The following LPP variants were observed in gnomAD, a reference collection of about 807,000 sequenced individuals.
The protein encoded by LPP is lipoma-preferred partner.
In LPP, 38 loss-of-function variants were observed where a neutral mutation model predicts 60.4. The ratio of observed to expected loss-of-function variants is 0.63; its 90% CI spans 0.49 to 0.83. The LOEUF (loss-of-function observed/expected upper bound fraction) is 0.83, where lower values mean the gene tolerates loss of function less well. LPP is among the 40% of genes least tolerant of loss of function. The pLI, the probability that LPP is intolerant of heterozygous loss-of-function variation, is 0.00. For missense variants in LPP, 902 were observed against 783.6 expected (o/e 1.15, Z -1.80); for synonymous variants, 328 against 290.8 (o/e 1.13, Z -1.30).
Position 188,419,923 on chromosome 3 carries a change from A to G in LPP, c.193+13610A>G, listed in dbSNP as rs148770097. Among the ~76,000 whole-genome samples, 650 of 152,234 alleles carry G rather than the reference A, an allele frequency of 4.3e-3. 4 individuals are homozygous for G. The highest frequency in any genetic ancestry group is 0.015 in the African/African-American group (609 of 41,564). On this transcript the variant is annotated intron_variant, in intron 4 of 11. Transcript: ENST00000617246. The stretch of plus-strand genomic sequence containing the variant: ...ATAAAAATAATAAATAAATATATGA[A>G]TAAATGAAATAGAGATATTTGTATC...
rs1215110521 is a variant in LPP at position 188,874,957 on chromosome 3, A to G, written c.*478A>G. On this transcript the variant is annotated 3_prime_UTR_variant, in exon 12 of 12. Coordinates refer to ENST00000617246, the MANE Select transcript of LPP (RefSeq NM_001375462.1). ...TCTTTTCCCATGTATTGAAGAGGAT[A>G]TTCTTCTCTTGCTTTATACTACTCA... 8 of 227,900 alleles carry G rather than the reference A, an allele frequency of 3.5e-5. No homozygotes were observed. Among genetic ancestry groups the G allele is most frequent in the Non-Finnish European group, 7.0e-5 (8 of 114,430 alleles). 14.1% of individuals were successfully genotyped at this position (227,900 alleles called of 1,614,324 possible).
intron 9 of LPP, among the ~76,000 whole-genome samples, chr3:188,844,156 G>A (rs1406424578): frequency 2.0e-5 from 3 of 152,076 alleles, no homozygotes; most frequent in Admixed American, 6.5e-5. Context: ...TTCCTCCCAT[G>A]CTTAATCATT....
At chr3:188,421,782 C>G (rs756894828) in intron 4 of LPP, among the ~76,000 whole-genome samples, 1 of 152,092 alleles carries the variant, frequency 6.6e-6, no homozygotes, top group African/African-American at 2.4e-5. Flanking sequence ...TCAACCACAT[C>G]GATACAACCA....
At chr3:188,530,973 G>T (rs994801270) in intron 6 of LPP, among the ~76,000 whole-genome samples, 23 of 152,160 alleles carry the variant, frequency 1.5e-4, no homozygotes, top group Non-Finnish European at 2.8e-4. Context: ...TGACTTTTGT[G>T]TTCCTTCTTT....
rs536906551 is a variant in LPP, at chr3:188,677,116, T to G, written c.1114-31151T>G. On this transcript the variant is annotated intron_variant, in intron 7 of 11. Transcript: ENST00000617246. Reference sequence around the variant, plus strand: ...TCCCCAGTCAATCCTCAGTTGAGACTGCCACCCCAGCCTAACTTTGCTTGT... The same window carrying G: ...TCCCCAGTCAATCCTCAGTTGAGACGGCCACCCCAGCCTAACTTTGCTTGT... Among the ~76,000 whole-genome samples the G allele has an allele frequency of 1.1e-4, 17 of 152,210 alleles. No individual in the cohort carries two copies. In the East Asian group the frequency reaches 3.3e-3, roughly 30 times the overall value.
Position 188,524,674 on chromosome 3 carries a change from G to A in LPP, c.316G>A (p.Gly106Arg), listed in dbSNP as rs768986054. The change falls in exon 6 of 12, where the codon GGA becomes AGA. Residue 106 changes from glycine to arginine, a missense_variant. Physicochemically the swap from Gly to Arg is moderately radical, Grantham distance 125. Coordinates refer to ENST00000617246, the MANE Select transcript of LPP (RefSeq NM_001375462.1). ...EEAFKVQGNP[G>R]GKTLEERRSS... ...GTGTTGCTTCCAACAGGGGAATCCC[G>A]GAGGCAAGACACTTGAGGAGAGGCG... The A allele has an allele frequency of 1.1e-5, 17 of 1,613,132 alleles. No individual in the cohort carries two copies. Among genetic ancestry groups the A allele is most frequent in the East Asian group, 4.5e-5 (2 of 44,828 alleles).
chr3:188,253,628 G>T (rs1255774514), intron 2 of LPP, among the ~76,000 whole-genome samples: 1 of 152,162 alleles, frequency 6.6e-6, no homozygotes, highest in Non-Finnish European at 1.5e-5. Context: ...GGTAGATAAT[G>T]ACTGAAACCC....
chr3:188,854,216 C>T (rs1763303407), intron 9 of LPP, among the ~76,000 whole-genome samples: 1 of 152,238 alleles, frequency 6.6e-6, no homozygotes, highest in Non-Finnish European at 1.5e-5. Flanking sequence ...CCTATACTCC[C>T]TGGCTGTGCG....
intron 3 of LPP, among the ~76,000 whole-genome samples, chr3:188,359,535 G>A (rs539736243): frequency 6.6e-6 from 1 of 152,280 alleles, no homozygotes; most frequent in East Asian, 1.9e-4. Context: ...GGGGAAGAGA[G>A]GCAGTAAGTG....
chr3:188,197,388 T>C (rs923183988), intron 1 of LPP, among the ~76,000 whole-genome samples: 1 of 152,190 alleles, frequency 6.6e-6, no homozygotes, highest in African/African-American at 2.4e-5. Context: ...CATTTTCTCC[T>C]GAGCTGGGTT....
chr3:188,318,134 T>G (rs1755657148), intron 2 of LPP, among the ~76,000 whole-genome samples: 1 of 152,212 alleles, frequency 6.6e-6, no homozygotes, highest in Admixed American at 6.5e-5. Flanking sequence ...AAGATCCTTC[T>G]CTTATTTTTC....
intron 6 of LPP, among the ~76,000 whole-genome samples, chr3:188,533,580 T>C (rs1024894976): frequency 6.6e-6 from 1 of 152,236 alleles, no homozygotes; most frequent in Non-Finnish European, 1.5e-5. Flanking sequence ...ATAATAACTT[T>C]CTTTGAGAGC....
intron 9 of LPP, among the ~76,000 whole-genome samples, chr3:188,835,250 G>A (rs1050726727): frequency 6.7e-6 from 1 of 150,010 alleles, no homozygotes; most frequent in Non-Finnish European, 1.5e-5. Context: ...TTGAGGTCAG[G>A]AGTTCTAGAC....
intron 2 of LPP, among the ~76,000 whole-genome samples, chr3:188,319,663 G>C (rs902906618): frequency 2.0e-5 from 3 of 152,154 alleles, no homozygotes; most frequent in Admixed American, 1.3e-4. Context: ...TGTTGAAGCT[G>C]GTGAGCTAGA....
intron 2 of LPP, among the ~76,000 whole-genome samples, chr3:188,334,048 G>A (rs1760889881): frequency 6.6e-6 from 1 of 152,066 alleles, no homozygotes; most frequent in Non-Finnish European, 1.5e-5. Context: ...CTCCACCTCT[G>A]GTGATCAGTA....
At chr3:188,381,577 A>G (rs1776889068) in intron 3 of LPP, among the ~76,000 whole-genome samples, 1 of 152,224 alleles carries the variant, frequency 6.6e-6, no homozygotes, top group East Asian at 1.9e-4. Flanking sequence ...ACTGGTACAC[A>G]GGAGTAGGTA....
In LPP at chr3:188,609,819, CCT is replaced by C. The variant is rs1843297588; in HGVS notation, c.1089_1090del (p.Pro366ThrfsTer26). On this transcript the variant is annotated frameshift_variant, in exon 7 of 12. Coordinates refer to ENST00000617246, the MANE Select transcript of LPP (RefSeq NM_001375462.1). LOFTEE classifies it high-confidence loss of function. The surrounding 1 kb of genome is among the most constrained non-coding windows in gnomAD (Gnocchi z 6.9). ...TATATCACAGATCCTGTTTCAGCCC[CCT>C]GTGCGCCACCATTGCAGCCAAAGGT... 4 of 1,612,642 alleles carry C rather than the reference CCT, an allele frequency of 2.5e-6. No individual in the cohort carries two copies. Among genetic ancestry groups the C allele is most frequent in the Non-Finnish European group, 3.4e-6 (4 of 1,179,506 alleles).
chr3:188,463,915 G>A (rs957669632), intron 4 of LPP, among the ~76,000 whole-genome samples: 2 of 152,156 alleles, frequency 1.3e-5, no homozygotes, highest in Non-Finnish European at 2.9e-5. Context: ...GGCACCTGTG[G>A]CTTCTATGTT....
chr3:188,275,153 C>G (rs1459794551), intron 2 of LPP, among the ~76,000 whole-genome samples: 1 of 152,258 alleles, frequency 6.6e-6, no homozygotes, highest in Admixed American at 6.5e-5. Context: ...TGGCCAGAGC[C>G]CATCCTGACT....
Sources: gnomAD v4.1 joint callset for allele counts (sites outside exome capture counted in the v4.1 genomes callset) on GRCh38, gnomAD v4.1.1 for gene constraint, Gnocchi (gnomAD v3.1) non-coding constraint, MANE v1.5 for transcripts, NCBI Gene and HGNC (gene_info 2026-07-23, HGNC 2026-07-21) for gene names.